Variants in EPC1 observed in about 807,000 individuals in gnomAD.
The protein encoded by EPC1 is enhancer of polycomb 1, also known as enhancer of polycomb homolog 1.
A neutral mutation model predicts 98.4 loss-of-function variants in EPC1; 12 were observed. The observed-to-expected ratio is 0.12, with a 90% confidence interval of 0.08 to 0.20. EPC1 has a LOEUF of 0.20. Among genes scored for constraint, EPC1 ranks in the 10% least tolerant of loss-of-function variants. The probability of loss-of-function intolerance (pLI) is 1.00; values close to 1 mark genes in which losing one functional copy is unlikely to be tolerated. For missense variants in EPC1, 729 were observed against 990.5 expected, an observed-to-expected ratio of 0.74 and a Z score of 3.54; for synonymous variants, 357 against 363.9, an observed-to-expected ratio of 0.98 and a Z score of 0.21.
intron 1 of EPC1, among the ~76,000 whole-genome samples, chr10:32,359,443 C>A (rs1211921336): frequency 6.6e-6 from 1 of 152,136 alleles, no homozygotes; most frequent in Non-Finnish European, 1.5e-5. Flanking sequence ...AATGAATACA[C>A]TGAATTTTAA....
chr10:32,357,727 T>C (rs2133095045), intron 1 of EPC1, among the ~76,000 whole-genome samples: 1 of 152,284 alleles, frequency 6.6e-6, no homozygotes, highest in South Asian at 2.1e-4. Context: ...TCTAAAGTGC[T>C]GGGATCATAG....
intron 10 of EPC1, among the ~76,000 whole-genome samples, chr10:32,280,949 T>C (rs1564522043): frequency 1.3e-5 from 2 of 152,206 alleles, no homozygotes; most frequent in Non-Finnish European, 1.5e-5. Flanking sequence ...ATTGACCTGA[T>C]ACTACAAGTG....
intron 6 of EPC1, among the ~76,000 whole-genome samples, chr10:32,289,382 C>G (rs532248119): frequency 1.4e-5 from 2 of 139,716 alleles, no homozygotes; most frequent in South Asian, 2.3e-4. Context: ...ACAAAATGGT[C>G]TGGTCCCTGG....
chr10:32,285,137 C>A (rs773163949), intron 9 of EPC1, 87 bp from the exon 10 acceptor site: 7 of 993,280 alleles, frequency 7.0e-6, no homozygotes, highest in Non-Finnish European at 1.0e-5. Context: ...CCCCCAACTG[C>A]CAAAAGGCCA....
At chr10:32,326,629 G>A (rs1057335292) in intron 1 of EPC1, among the ~76,000 whole-genome samples, 4 of 152,128 alleles carry the variant, frequency 2.6e-5, no homozygotes, top group Admixed American at 1.3e-4. Context: ...AGGCAGCAAG[G>A]AAACTTCTCA....
chr10:32,313,150 G>A (rs1433285959), intron 1 of EPC1, among the ~76,000 whole-genome samples: 3 of 151,960 alleles, frequency 2.0e-5, no homozygotes, highest in Non-Finnish European at 4.4e-5. Context: ...CAGCCATTCC[G>A]AACCAATGAC....
chr10:32,311,267 T>C (rs971179648), intron 1 of EPC1, among the ~76,000 whole-genome samples: 1 of 150,968 alleles, frequency 6.6e-6, no homozygotes, highest in Non-Finnish European at 1.5e-5. Flanking sequence ...GAGCCGAGAT[T>C]GCACCGCTGC....
intron 1 of EPC1, among the ~76,000 whole-genome samples, chr10:32,370,081 T>G (rs554797981): frequency 6.6e-6 from 1 of 152,344 alleles, no homozygotes; most frequent in African/African-American, 2.4e-5. Context: ...ATATATATTT[T>G]AAAAACTGGA....
chr10:32,374,541 A>G (rs562673463), intron 1 of EPC1: 2 of 152,282 alleles, frequency 1.3e-5, no homozygotes, highest in Admixed American at 6.5e-5. Context: ...TATTTGGGTT[A>G]TATCTAAAGC....
At chr10:32,291,528 T>G (rs1170214223) in intron 5 of EPC1, 2 of 413,180 alleles carry the variant, frequency 4.8e-6, no homozygotes, top group Non-Finnish European at 4.3e-6. Context: ...TACATTGTTA[T>G]TAACCATGCT....
intron 1 of EPC1, among the ~76,000 whole-genome samples, chr10:32,332,458 T>G (rs1294238570): frequency 6.6e-6 from 1 of 152,174 alleles, no homozygotes; most frequent in African/African-American, 2.4e-5. Flanking sequence ...CAACAGCACA[T>G]GGCAGAAGTG....
chr10:32,275,585 T>A (rs1333877094), intron 10 of EPC1, among the ~76,000 whole-genome samples: 1 of 143,556 alleles, frequency 7.0e-6, no homozygotes, highest in Non-Finnish European at 1.5e-5. Context: ...GCTAACACAG[T>A]GAAACCCCAT....
At chr10:32,352,873 T>C (rs770399913) in intron 1 of EPC1, among the ~76,000 whole-genome samples, 1 of 152,164 alleles carries the variant, frequency 6.6e-6, no homozygotes, top group Non-Finnish European at 1.5e-5. Context: ...AGTATCTATC[T>C]GGCCAGACAC....
intron 2 of EPC1, among the ~76,000 whole-genome samples, chr10:32,304,589 T>C (rs1252215810): frequency 6.6e-6 from 1 of 152,098 alleles, no homozygotes; most frequent in African/African-American, 2.4e-5. Context: ...GTTTACGCTG[T>C]CCTAAAGAAA....
chr10:32,363,173 A>G (rs1490831441), intron 1 of EPC1, among the ~76,000 whole-genome samples: 1 of 152,228 alleles, frequency 6.6e-6, no homozygotes, highest in African/African-American at 2.4e-5. Flanking sequence ...TCTGAGGCTC[A>G]GGCAATCATC....
chr10:32,358,146 C>T (rs556375910), intron 1 of EPC1, among the ~76,000 whole-genome samples: 9 of 152,256 alleles, frequency 5.9e-5, no homozygotes, highest in South Asian at 4.1e-4. Flanking sequence ...TGAGCCATCA[C>T]GCCCAGGCTA....
In EPC1 at chr10:32,327,827, A is replaced by G. The variant is rs143660071; in HGVS notation, c.153+18936T>C. ...AAAGGTACAGTAAGAATATGGTATTATAACTTTGGGGGACACCAGAGTCAT... is the reference window on the plus strand; with the variant it reads ...AAAGGTACAGTAAGAATATGGTATTGTAACTTTGGGGGACACCAGAGTCAT... On this transcript the variant is annotated intron_variant, in intron 1 of 13. Transcript: ENST00000319778. Among the ~76,000 whole-genome samples the G allele has an allele frequency of 3.6e-3, 553 of 152,332 alleles. 5 individuals are homozygous for G. Among genetic ancestry groups the G allele is most frequent in the African/African-American group, 0.013 (527 of 41,566 alleles).
intron 11 of EPC1, 59 bp downstream of exon 11, chr10:32,273,104 A>T: frequency 1.9e-6 from 3 of 1,614,154 alleles, no homozygotes; most frequent in Non-Finnish European, 2.5e-6. Context: ...GTTGGTAATT[A>T]GAGATGAACT....
At chr10:32,280,879 G>A (rs1836376447) in intron 10 of EPC1, among the ~76,000 whole-genome samples, 1 of 152,058 alleles carries the variant, frequency 6.6e-6, no homozygotes, top group Non-Finnish European at 1.5e-5. Context: ...AAACAACTTG[G>A]GCATCTCTAA....
Sources: gnomAD v4.1 joint callset for allele counts (sites outside exome capture counted in the v4.1 genomes callset) on GRCh38, gnomAD v4.1.1 for gene constraint, MANE v1.5 for transcripts, NCBI Gene and HGNC (gene_info 2026-07-23, HGNC 2026-07-21) for gene names.